The following ASNS variants were observed in gnomAD, a reference collection of about 807,000 sequenced individuals.
ASNS encodes the protein asparagine synthetase [glutamine-hydrolyzing].
A neutral mutation model predicts 62.6 loss-of-function variants in ASNS; 37 were observed. That is an observed-to-expected ratio of 0.59 (90% CI 0.45 to 0.78). The LOEUF (loss-of-function observed/expected upper bound fraction) is 0.78. ASNS is among the 30% of genes least tolerant of loss of function. The pLI is 0.00. For missense variants in ASNS, 520 were observed against 682.4 expected, an observed-to-expected ratio of 0.76 and a Z score of 2.65; for synonymous variants, 207 against 237.9, an observed-to-expected ratio of 0.87 and a Z score of 1.19.
At chr7:97,905,130 G>T in the ASNS span, among the ~76,000 whole-genome samples, 1 of 152,056 alleles carries the variant, frequency 6.6e-6, no homozygotes, top group Non-Finnish European at 1.5e-5. Context: ...AAAGATCTCT[G>T]GCCCCAAGAT....
chr7:97,899,431 A>G, the ASNS span, among the ~76,000 whole-genome samples: 43 of 152,234 alleles, frequency 2.8e-4, no homozygotes, highest in African/African-American at 1.0e-3. Flanking sequence ...CCTGGAATCT[A>G]TTTTTAAAGC....
chr7:97,869,720 G>GT, intron 2 of ASNS, 58 bp downstream of exon 2: 1 of 153,492 alleles, frequency 6.5e-6, no homozygotes, highest in East Asian at 1.9e-4. Context: ...TCATACTGCT[G>GT]TAAGTGTAAA....
intron 9 of ASNS, 63 bp from the exon 10 acceptor site, chr7:97,854,743 C>G: frequency 6.2e-7 from 1 of 1,608,496 alleles, no homozygotes; most frequent in Non-Finnish European, 8.5e-7. Context: ...TTTTCTTTCT[C>G]CCTCTCCAAT....
chr7:97,858,151 A>G (rs1287629128), intron 7 of ASNS, 127 bp downstream of exon 7: 128 of 1,254,004 alleles, frequency 1.0e-4, no homozygotes, highest in Non-Finnish European at 1.3e-4. Flanking sequence ...ATTTTAATAC[A>G]ATCAATTTAA....
the ASNS span, among the ~76,000 whole-genome samples, chr7:97,920,745 A>C: frequency 6.6e-6 from 1 of 152,264 alleles, no homozygotes; most frequent in South Asian, 2.1e-4. Flanking sequence ...AAAGGAAATT[A>C]AATGCACCAT....
the ASNS span, among the ~76,000 whole-genome samples, chr7:97,894,480 C>CAAAAAAAAAA: frequency 1.6e-4 from 6 of 36,546 alleles, no homozygotes; most frequent in Non-Finnish European, 2.3e-4. Flanking sequence ...TGAGGCTAAC[C>CAAAAAAAAAA]AAAAAAAAAA....
chr7:97,904,317 C>CACACACACACACACACAG, the ASNS span, among the ~76,000 whole-genome samples: 1 of 146,520 alleles, frequency 6.8e-6, no homozygotes, highest in African/African-American at 2.5e-5. Flanking sequence ...CACACACACA[C>CACACACACACACACACAG]AGAGAGAGAG....
the ASNS span, among the ~76,000 whole-genome samples, chr7:97,919,517 C>T: frequency 1.3e-5 from 2 of 152,034 alleles, no homozygotes; most frequent in Admixed American, 1.3e-4. Flanking sequence ...AGGACAGAGT[C>T]AAAAAAGAAA....
rs1311153201 is a variant in ASNS at position 97,853,300 on chromosome 7, C to A, written c.1320+5G>T. 4 of 1,613,628 alleles carry A rather than the reference C, an allele frequency of 2.5e-6. No individual in the cohort carries two copies. Among genetic ancestry groups the A allele is most frequent in the Non-Finnish European group, 3.4e-6 (4 of 1,179,834 alleles). ...GACAGTTTTACCTTGAGTTGATTTACCTACCTTTGGAATTCTCATTTCTGG... is the reference window on the plus strand; with the variant it reads ...GACAGTTTTACCTTGAGTTGATTTAACTACCTTTGGAATTCTCATTTCTGG... On this transcript the variant is annotated splice_donor_5th_base_variant and intron_variant, in intron 11 of 12. Coordinates refer to ENST00000394308, the MANE Select transcript of ASNS (RefSeq NM_001673.5).
At chr7:97,914,983 T>C in the ASNS span, among the ~76,000 whole-genome samples, 5 of 152,204 alleles carry the variant, frequency 3.3e-5, no homozygotes, top group African/African-American at 1.2e-4. Flanking sequence ...TTTGCATAAC[T>C]GAAGCTGAAG....
the ASNS span, among the ~76,000 whole-genome samples, chr7:97,900,384 A>AAC: frequency 2.0e-5 from 3 of 149,428 alleles, no homozygotes; most frequent in Admixed American, 6.6e-5. Context: ...AAAAAAAAAA[A>AAC]CAGAAAATAA....
chr7:97,857,464 C>T (rs1389354872), intron 7 of ASNS, among the ~76,000 whole-genome samples: 1 of 152,074 alleles, frequency 6.6e-6, no homozygotes, highest in Non-Finnish European at 1.5e-5. Context: ...TTCTACCCTA[C>T]TTACTTTACA....
At chr7:97,896,239 A>G in the ASNS span, among the ~76,000 whole-genome samples, 1 of 152,050 alleles carries the variant, frequency 6.6e-6, no homozygotes, top group Non-Finnish European at 1.5e-5. Context: ...AAATAGCCAG[A>G]GCAATACTGA....
the ASNS span, among the ~76,000 whole-genome samples, chr7:97,899,962 T>C: frequency 6.6e-6 from 1 of 152,314 alleles, no homozygotes; most frequent in African/African-American, 2.4e-5. Flanking sequence ...AAGTGGCCAA[T>C]AAGCACATGA....
chr7:97,852,866 T>C (rs979160984), intron 12 of ASNS, among the ~76,000 whole-genome samples, 194 bp downstream of exon 12: 2 of 152,144 alleles, frequency 1.3e-5, no homozygotes, highest in African/African-American at 4.8e-5. Context: ...AGATAATTGT[T>C]TACAGAGACT....
the ASNS span, among the ~76,000 whole-genome samples, chr7:97,891,073 G>A: frequency 1.3e-5 from 2 of 152,142 alleles, no homozygotes; most frequent in African/African-American, 4.8e-5. Flanking sequence ...ACTGAGACTG[G>A]GCAATTTACA....
the ASNS span, among the ~76,000 whole-genome samples, chr7:97,896,741 C>CACACAGAT: frequency 3.8e-3 from 76 of 19,782 alleles, 3 homozygotes; most frequent in African/African-American, 8.2e-3. Context: ...CACACACACA[C>CACACAGAT]ATATATATAT....
At chr7:97,898,202 C>G in the ASNS span, 1,769 of 277,506 alleles carry the variant, frequency 6.4e-3, 11 homozygotes, top group Middle Eastern at 7.5e-3. Context: ...TCAAGTGATT[C>G]TCATGCCTCA....
At chr7:97,916,918 C>T in the ASNS span, among the ~76,000 whole-genome samples, 1 of 152,190 alleles carries the variant, frequency 6.6e-6, no homozygotes, top group Admixed American at 6.5e-5. Context: ...CAGGAGCACA[C>T]AGGTGCTGGA....
Sources: gnomAD v4.1 joint callset for allele counts (sites outside exome capture counted in the v4.1 genomes callset) on GRCh38, gnomAD v4.1.1 for gene constraint, MANE v1.5 for transcripts, NCBI Gene and HGNC (gene_info 2026-07-23, HGNC 2026-07-21) for gene names.